Variants in SPON1 observed in about 807,000 individuals in gnomAD.
The protein encoded by SPON1 is spondin 1.
SPON1 carries 52 observed loss-of-function variants against 111.7 expected under a neutral mutation model. That is an observed-to-expected ratio of 0.47 (90% CI 0.37 to 0.59). The LOEUF is 0.59. Among genes scored for constraint, SPON1 ranks in the 20% least tolerant of loss-of-function variants. The probability of loss-of-function intolerance (pLI) is 0.00; values close to 1 mark genes in which losing one functional copy is unlikely to be tolerated. For missense variants in SPON1, 957 were observed against 1,068.5 expected (o/e 0.90, Z 1.46); for synonymous variants, 410 against 395.8 (o/e 1.04, Z -0.43).
In SPON1 at chr11:14,259,404, G is replaced by T. The variant is rs937398027; in HGVS notation, c.1617G>T (p.Thr539=). 3.4e-5 allele frequency: 55 copies of T among 1,610,872 alleles called. No individual in the cohort carries two copies. The highest frequency in any genetic ancestry group is 4.5e-5 in the Non-Finnish European group (53 of 1,178,920). Residue 539 remains threonine (T), a synonymous_variant, in exon 12 of 16, where the codon ACG becomes ACT. Transcript: ENST00000576479. This position sits in a 1 kb window ranked among gnomAD's most constrained non-coding sequence, Gnocchi z 5.0. ...TCCCGGAGGACGGCTCCGTGTGCACGCTGCCCACTGAGGAAACGGAGAAGT... is the reference window on the plus strand; with the variant it reads ...TCCCGGAGGACGGCTCCGTGTGCACTCTGCCCACTGAGGAAACGGAGAAGT... ...KQFPEDGSVC[T]LPTEETEKCT...
chr11:14,246,715 C>T (rs1848994574), intron 7 of SPON1, among the ~76,000 whole-genome samples: 1 of 152,142 alleles, frequency 6.6e-6, no homozygotes, highest in Non-Finnish European at 1.5e-5. Flanking sequence ...CTTAGGGCAA[C>T]TGTGGTGAGC....
chr11:13,988,304 T>C (rs1848201116), intron 2 of SPON1, among the ~76,000 whole-genome samples: 2 of 152,218 alleles, frequency 1.3e-5, no homozygotes, highest in Admixed American at 1.3e-4. Context: ...TATTTTATTC[T>C]CTTACTAGTA....
At chr11:14,139,868 A>G (rs1484863088) in intron 6 of SPON1, among the ~76,000 whole-genome samples, 2 of 152,146 alleles carry the variant, frequency 1.3e-5, no homozygotes, top group African/African-American at 4.8e-5. Flanking sequence ...AGTGTAGGGG[A>G]AAATCATTTT....
At chr11:14,224,012 A>G (rs541761769) in intron 6 of SPON1, among the ~76,000 whole-genome samples, 1 of 152,360 alleles carries the variant, frequency 6.6e-6, no homozygotes. Flanking sequence ...CATTTCTGGC[A>G]GGAATGTTAT....
chr11:14,130,642 A>G (rs533960821), intron 5 of SPON1, among the ~76,000 whole-genome samples: 1 of 152,182 alleles, frequency 6.6e-6, no homozygotes, highest in Non-Finnish European at 1.5e-5. Context: ...AAATCAGATA[A>G]GTGTACCTTC....
chr11:14,150,647 A>T (rs1338071908), intron 6 of SPON1, among the ~76,000 whole-genome samples: 1 of 152,338 alleles, frequency 6.6e-6, no homozygotes, highest in Non-Finnish European at 1.5e-5. Flanking sequence ...AAAAAGACCC[A>T]TGGTGAGCGT....
intron 6 of SPON1, among the ~76,000 whole-genome samples, chr11:14,178,783 C>T (rs782697389): frequency 4.0e-5 from 6 of 149,096 alleles, no homozygotes; most frequent in Non-Finnish European, 8.9e-5. Flanking sequence ...ACACATCCCT[C>T]ATTTATCCAG....
At position 14,260,709 on chromosome 11, in the gene SPON1, T is replaced by A; in HGVS notation, c.1953T>A (p.Asn651Lys). The A allele has an allele frequency of 2.5e-6, 4 of 1,613,954 alleles. No homozygotes were observed. The South Asian group carries it at 4.4e-5, about 18-fold the overall frequency. ...LKSLAELGDC[N>K]EDLEQVEKCM... ...CTCTGGCAGAACTTGGAGACTGCAA[T>A]GAGGATCTGGAGCAGGTGGAGAAGT... Residue 651 changes from asparagine to lysine, a missense_variant, in exon 14 of 16, where the codon AAT becomes AAA. This residue lies in a region of SPON1 where 549 missense variants were observed against 606.2 expected (regional missense o/e 0.91). Coordinates refer to ENST00000576479, the MANE Select transcript of SPON1 (RefSeq NM_006108.4).
chr11:13,966,063 A>C (rs1848013594), intron 1 of SPON1, among the ~76,000 whole-genome samples: 1 of 152,242 alleles, frequency 6.6e-6, no homozygotes, highest in Non-Finnish European at 1.5e-5. Context: ...ACTATTAAAA[A>C]AGACTGAAAC....
At chr11:13,983,496 T>C (rs1262764839) in intron 2 of SPON1, among the ~76,000 whole-genome samples, 1 of 152,080 alleles carries the variant, frequency 6.6e-6, no homozygotes, top group African/African-American at 2.4e-5. Flanking sequence ...CAGAACAACC[T>C]CCTCAAGGGG....
chr11:14,095,413 T>C (rs1849092053), intron 5 of SPON1, among the ~76,000 whole-genome samples: 1 of 113,226 alleles, frequency 8.8e-6, no homozygotes, highest in Non-Finnish European at 1.8e-5. Flanking sequence ...ACTAGATAGA[T>C]AGATAGATAG....
intron 6 of SPON1, among the ~76,000 whole-genome samples, chr11:14,170,561 C>T (rs1469945353): frequency 1.3e-5 from 2 of 151,820 alleles, no homozygotes; most frequent in East Asian, 3.9e-4. Context: ...ATAGGGCATC[C>T]CTGTCTTGTG....
intron 6 of SPON1, among the ~76,000 whole-genome samples, chr11:14,227,768 A>G (rs1485975210): frequency 2.6e-5 from 4 of 152,224 alleles, no homozygotes; most frequent in Admixed American, 6.5e-5. Context: ...GAGTTAAGTA[A>G]CATTCCCAGG....
At chr11:14,234,019 C>G (rs1554939006) in intron 6 of SPON1, among the ~76,000 whole-genome samples, 1 of 152,138 alleles carries the variant, frequency 6.6e-6, no homozygotes, top group African/African-American at 2.4e-5. Context: ...CTTGGCCTCC[C>G]AAAGTGCTGG....
intron 6 of SPON1, among the ~76,000 whole-genome samples, chr11:14,179,967 C>A (rs1303499518): frequency 1.3e-5 from 2 of 152,228 alleles, no homozygotes; most frequent in East Asian, 3.9e-4. Flanking sequence ...TGCTAACTAC[C>A]TTGATTCACA....
chr11:14,202,818 A>C (rs1848477475), intron 6 of SPON1, among the ~76,000 whole-genome samples: 1 of 152,138 alleles, frequency 6.6e-6, no homozygotes, highest in Non-Finnish European at 1.5e-5. Context: ...TTTCAAGGCC[A>C]TCTCACTGTG....
At chr11:13,972,253 G>T (rs1448218107) in intron 1 of SPON1, among the ~76,000 whole-genome samples, 1 of 152,190 alleles carries the variant, frequency 6.6e-6, no homozygotes, top group Non-Finnish European at 1.5e-5. Flanking sequence ...TATTTTGGCA[G>T]CTGTGCCGTA....
intron 15 of SPON1, among the ~76,000 whole-genome samples, chr11:14,263,522 C>G (rs1260999523): frequency 6.6e-6 from 1 of 152,086 alleles, no homozygotes; most frequent in Non-Finnish European, 1.5e-5. Context: ...CAAGGCTAAC[C>G]AGAAGTTTAT....
rs1321850884 is a variant in SPON1 at position 14,044,366 on chromosome 11, C to G, written c.479+2712C>G. ...GTGGCTCATGCCTATAATCCCAGCA[C>G]TTTGGGAGGCTGAGGCAAGCAGATC... On this transcript the variant is annotated intron_variant, in intron 3 of 15. Transcript: ENST00000576479. Among the ~76,000 whole-genome samples the G allele has an allele frequency of 2.0e-5, 3 of 152,296 alleles. No homozygotes were observed. The East Asian group carries it at 5.8e-4, about 29-fold the overall frequency.
Sources: allele counts gnomAD v4.1 joint callset (sites outside exome capture counted in the v4.1 genomes callset), GRCh38; gene constraint gnomAD v4.1.1; regional missense constraint gnomAD v4.1.1; non-coding constraint Gnocchi (gnomAD v3.1); transcripts MANE v1.5; gene names NCBI Gene and HGNC (gene_info 2026-07-23, HGNC 2026-07-21).